JMJD1C: variants seen among roughly 807,000 people sequenced by gnomAD.
JMJD1C encodes jumonji domain containing 1C.
Under a neutral mutation model 245.3 loss-of-function variants are expected in JMJD1C, and 31 were observed. The observed-to-expected ratio is 0.13, with a 90% confidence interval of 0.09 to 0.17. JMJD1C has a LOEUF of 0.17. Ranked by LOEUF, JMJD1C falls within the 10% of genes least tolerant of loss-of-function variation. The pLI is 1.00. For synonymous variants in JMJD1C, 1,057 were observed against 1,017.4 expected, an observed-to-expected ratio of 1.04 and a Z score of -0.74; for missense variants, 2,691 against 3,000.2, an observed-to-expected ratio of 0.90 and a Z score of 2.41.
In JMJD1C at chr10:63,191,135, G is replaced by GTT. The variant is rs760405238; in HGVS notation, c.6077-29_6077-28dup. 2.6e-6 allele frequency: 4 copies of GTT among 1,565,300 alleles called. No individual in the cohort carries two copies. The South Asian group carries it at 3.3e-5, about 13-fold the overall frequency. ...TGAAATAGAAAATTTCACAGATTTT[G>GTT]TTTTGTTTTGTTTTGAGACGGAGTC... On this transcript the variant is annotated intron_variant, in intron 16 of 25. Transcript: ENST00000399262.
Position 63,465,749 on chromosome 10 carries a change from G to GAGCGGACCGGGACACAGC in JMJD1C, c.-105_-88dup, listed in dbSNP as rs1484987427. 7 of 1,478,254 alleles carry GAGCGGACCGGGACACAGC rather than the reference G, an allele frequency of 4.7e-6. No homozygotes were observed. The highest frequency in any genetic ancestry group is 4.6e-6 in the Non-Finnish European group (5 of 1,078,486). The allele number at this position is 1,478,254 out of a possible 1,614,324, so 91.6% of individuals were successfully genotyped here. On this transcript the variant is annotated 5_prime_UTR_variant, in exon 1 of 26. Transcript: ENST00000399262. ...TCCTACCGGCCGCTCATGCTGAGGA[G>GAGCGGACCGGGACACAGC]AGCGGACCGGGACACAGCAGCGGAC...
At chr10:63,242,138 A>C (rs968138303) in intron 3 of JMJD1C, among the ~76,000 whole-genome samples, 6 of 152,188 alleles carry the variant, frequency 3.9e-5, no homozygotes, top group African/African-American at 1.4e-4. Context: ...AAGAATGCCA[A>C]ATGATATACT....
intron 2 of JMJD1C, among the ~76,000 whole-genome samples, chr10:63,369,112 C>T (rs937391565): frequency 6.6e-6 from 1 of 151,368 alleles, no homozygotes; most frequent in Non-Finnish European, 1.5e-5. Flanking sequence ...TTTCTTCTTT[C>T]CTTCCTTCCT....
At chr10:63,282,528 A>G (rs895340761) in intron 2 of JMJD1C, among the ~76,000 whole-genome samples, 1 of 152,184 alleles carries the variant, frequency 6.6e-6, no homozygotes, top group Admixed American at 6.5e-5. Flanking sequence ...ACAATTAAAG[A>G]TTGGCACTGA....
Position 63,214,896 on chromosome 10 carries a change from T to G in JMJD1C, c.1271A>C (p.Glu424Ala), listed in dbSNP as rs755171418. ...AGGCTGGCTATTTTTTAGGGTCTCT[T>G]CTCCTGCCTTCTCATTATTATGGGG... ...GKPHNNEKAG[E>A]ETLKNSQPPW... The change falls in exon 8 of 26, where the codon GAA (glutamate) becomes GCA (alanine). Residue 424 changes from glutamate to alanine, a missense_variant. This residue lies in a region of JMJD1C where 1,562 missense variants were observed against 1,490.7 expected (regional missense o/e 1.05). Coordinates refer to ENST00000399262, the MANE Select transcript of JMJD1C (RefSeq NM_032776.3). 1.2e-6 allele frequency: 2 copies of G among 1,613,356 alleles called. No homozygotes were observed. Among genetic ancestry groups the G allele is most frequent in the Non-Finnish European group, 1.7e-6 (2 of 1,179,488 alleles).
At chr10:63,230,211 C>G (rs985259666) in intron 3 of JMJD1C, among the ~76,000 whole-genome samples, 1 of 152,052 alleles carries the variant, frequency 6.6e-6, no homozygotes, top group Non-Finnish European at 1.5e-5. Flanking sequence ...GTCTCTATTA[C>G]AAATACAAGA....
chr10:63,321,844 C>CGAGA (rs1564784714), intron 2 of JMJD1C, among the ~76,000 whole-genome samples: 2 of 152,218 alleles, frequency 1.3e-5, no homozygotes, highest in East Asian at 3.8e-4. Context: ...GATGCCCTCT[C>CGAGA]TCTTGACCTG....
chr10:63,427,721 G>A (rs1320300704), intron 1 of JMJD1C: 23 of 1,349,234 alleles, frequency 1.7e-5, no homozygotes, highest in Non-Finnish European at 2.4e-5. Context: ...GTCTCCAGAA[G>A]TGTCCAGGAA....
intron 1 of JMJD1C, among the ~76,000 whole-genome samples, chr10:63,385,911 G>A (rs888785927): frequency 6.2e-5 from 9 of 145,814 alleles, no homozygotes; most frequent in African/African-American, 2.5e-4. Flanking sequence ...AAAAAATGAA[G>A]AAGAAATATA....
At chr10:63,222,288 A>T in intron 3 of JMJD1C, 1 of 1,175,510 alleles carries the variant, frequency 8.5e-7, no homozygotes, top group East Asian at 2.3e-5. Context: ...ATTGGTGTTA[A>T]AAAGTTTATG....
chr10:63,259,953 G>A (rs924557472), intron 3 of JMJD1C, among the ~76,000 whole-genome samples: 27 of 152,146 alleles, frequency 1.8e-4, no homozygotes, highest in Admixed American at 5.9e-4. Context: ...CCAGGCTGGA[G>A]TGCAATGGTG....
chr10:63,519,072 C>T (rs929139688), intron 1 of JMJD1C, among the ~76,000 whole-genome samples: 22 of 152,276 alleles, frequency 1.4e-4, no homozygotes, highest in African/African-American at 4.8e-4. Context: ...ACGTGTATAG[C>T]ACATAGTAGG....
chr10:63,489,121 CG>C (rs1002744189), intron 1 of JMJD1C, among the ~76,000 whole-genome samples: 3 of 152,084 alleles, frequency 2.0e-5, no homozygotes, highest in African/African-American at 7.2e-5. Flanking sequence ...AAAATGAGGC[CG>C]GGCGCAGTGG....
chr10:63,309,371 G>A (rs1295487423), intron 2 of JMJD1C, among the ~76,000 whole-genome samples: 2 of 151,316 alleles, frequency 1.3e-5, no homozygotes, highest in Non-Finnish European at 2.9e-5. Context: ...GCAGGCGCCT[G>A]TAATCCCAGG....
chr10:63,361,508 GAAAA>G (rs897703966), intron 2 of JMJD1C, among the ~76,000 whole-genome samples: 2 of 151,956 alleles, frequency 1.3e-5, no homozygotes, highest in African/African-American at 4.8e-5. Context: ...TAAAAAGAAA[GAAAA>G]GTCAGATAAA....
chr10:63,465,332 G>C, intron 1 of JMJD1C, 163 bp downstream of exon 1: 1 of 713,600 alleles, frequency 1.4e-6, no homozygotes, highest in Non-Finnish European at 2.3e-6. Flanking sequence ...GAGACGCAGG[G>C]ACCCAGGCAA....
chr10:63,224,355 T>C (rs529291336), intron 3 of JMJD1C, among the ~76,000 whole-genome samples: 2 of 152,320 alleles, frequency 1.3e-5, no homozygotes, highest in East Asian at 3.9e-4. Context: ...TTCTGATTTA[T>C]GACATTTGAG....
rs1404148029 is a variant in JMJD1C at position 63,207,863 on chromosome 10, T to G, written c.3806A>C (p.Glu1269Ala). 6.2e-7 allele frequency: 1 copy of G among 1,614,170 alleles called. No individual in the cohort carries two copies. Among genetic ancestry groups the G allele is most frequent in the Non-Finnish European group, 8.5e-7 (1 of 1,180,002 alleles). The change falls in exon 10 of 26, where the codon GAA (glutamate) becomes GCA (alanine). Residue 1269 changes from glutamate to alanine, a missense_variant. By Grantham distance (107) the Glu-to-Ala change is moderately radical. This residue lies in a region of JMJD1C where 1,562 missense variants were observed against 1,490.7 expected (regional missense o/e 1.05). Transcript: ENST00000399262. Reference protein sequence around the residue: ...DSQANFKSSSEQSLTEMWRPN... With the variant: ...DSQANFKSSSAQSLTEMWRPN... ...TCTCCACATCTCCGTCAAACTCTGT[T>G]CTGAAGAACTCTTAAAATTTGCCTG...
intron 1 of JMJD1C, among the ~76,000 whole-genome samples, chr10:63,404,529 G>C (rs371830960): frequency 6.6e-6 from 1 of 152,014 alleles, no homozygotes; most frequent in East Asian, 1.9e-4. Context: ...CTATAGCTAC[G>C]TGCTAGCATA....
Sources: gnomAD v4.1 joint callset for allele counts (sites outside exome capture counted in the v4.1 genomes callset) on GRCh38, gnomAD v4.1.1 for gene constraint, gnomAD v4.1.1 regional missense constraint, MANE v1.5 for transcripts, NCBI Gene and HGNC (gene_info 2026-07-23, HGNC 2026-07-21) for gene names.